IL18BP: variants seen among roughly 807,000 people sequenced by gnomAD.
IL18BP encodes interleukin 18 binding protein.
In IL18BP, 23 loss-of-function variants were observed where a neutral mutation model predicts 19.9. That is an observed-to-expected ratio of 1.15 (90% confidence interval 0.83 to 1.64). The LOEUF (loss-of-function observed/expected upper bound fraction) is 1.64, where lower values mean the gene tolerates loss of function less well. Ranked by LOEUF, IL18BP falls within the 40% of genes most tolerant of loss-of-function variation. IL18BP has a pLI of 0.00. For synonymous variants in IL18BP, 107 were observed against 101.0 expected (o/e 1.06, Z -0.35); for missense variants, 239 against 240.7 (o/e 0.99, Z 0.05).
At chr11:72,000,212 G>A (rs1955137395) in intron 2 of IL18BP, 139 bp from the exon 3 acceptor site, 2 of 881,418 alleles carry the variant, frequency 2.3e-6, no homozygotes, top group East Asian at 4.9e-5. Context: ...AAAGGGCTAA[G>A]GGGTGGGTGC....
Position 72,001,969 on chromosome 11 carries a change from A to G in IL18BP, c.*108A>G, listed in dbSNP as rs1955276548. The stretch of plus-strand genomic sequence containing the variant: ...TGCCTGTAGGCTGCGTGGATGCGCA[A>G]CACACCCCCTCCTTCTCTGCTTTGG... On this transcript the variant is annotated 3_prime_UTR_variant, in exon 6 of 6. Transcript: ENST00000393703. The G allele has an allele frequency of 2.6e-5, 38 of 1,482,406 alleles. No individual in the cohort carries two copies. The highest frequency in any genetic ancestry group is 3.0e-5 in the Non-Finnish European group (33 of 1,089,294). The allele number at this position is 1,482,406 out of a possible 1,614,324, so 91.8% of individuals were successfully genotyped here. A position where few individuals can be genotyped will look rare whatever the true frequency, so the allele number is the denominator to read the frequency against.
chr11:72,005,609 A>G, downstream of IL18BP: 2 of 538,842 alleles, frequency 3.7e-6, no homozygotes, highest in Non-Finnish European at 6.5e-6. Flanking sequence ...CTGCTACTAC[A>G]TCTTACTCAC....
intron 5 of IL18BP, 27 bp downstream of exon 5, chr11:72,001,579 G>A (rs1955242895): frequency 1.2e-6 from 2 of 1,604,318 alleles, no homozygotes; most frequent in Non-Finnish European, 8.5e-7. Flanking sequence ...GAGGCCTCCA[G>A]GAACAGGAGG....
At chr11:72,003,200 A>C, downstream of IL18BP, 1 of 416,884 alleles carries the variant, frequency 2.4e-6, no homozygotes, top group Non-Finnish European at 4.4e-6. Flanking sequence ...GGCTAAGAGG[A>C]AGACTGGCCA....
At chr11:72,007,184 C>A (rs754731703), downstream of IL18BP, 1 of 1,606,880 alleles carries the variant, frequency 6.2e-7, no homozygotes, top group Non-Finnish European at 8.5e-7. Context: ...TCCCAGCAGC[C>A]TGACCTTGGT....
downstream of IL18BP, chr11:72,003,714 G>A (rs1955434263): frequency 2.0e-6 from 2 of 978,360 alleles, no homozygotes; most frequent in Admixed American, 4.2e-5. Flanking sequence ...CCATGAGAAT[G>A]GGGCCATCTG....
At chr11:72,006,254 C>A, downstream of IL18BP, 1 of 1,613,918 alleles carries the variant, frequency 6.2e-7, no homozygotes, top group South Asian at 1.1e-5. Flanking sequence ...GGCTCTTCCA[C>A]ATCTAGCTTC....
chr11:72,001,362 C>A, intron 4 of IL18BP, 38 bp downstream of exon 4: 1 of 1,614,222 alleles, frequency 6.2e-7, no homozygotes, highest in Non-Finnish European at 8.5e-7. Context: ...GGAAGGAGGC[C>A]TTCTGCGGCC....
downstream of IL18BP, chr11:72,007,911 T>C: frequency 2.8e-6 from 1 of 355,474 alleles, no homozygotes; most frequent in Non-Finnish European, 5.5e-6. Flanking sequence ...CCTGGTCTGC[T>C]TCATCTCCTC....
In IL18BP at chr11:72,001,320, A is replaced by C. The variant is rs760536753; in HGVS notation, c.355A>C (p.Thr119Pro). 3.1e-6 allele frequency: 5 copies of C among 1,614,042 alleles called. No homozygotes were observed. The East Asian group carries it at 8.9e-5, about 29-fold the overall frequency. Residue 119 changes from threonine to proline, a missense_variant, in exon 4 of 6, where the codon ACC (threonine) becomes CCC (proline). By Grantham distance (38) the Thr-to-Pro change is conservative. Transcript: ENST00000393703. ...HLPGRLWEGSTSRERGSTGTQ... is the reference protein window; with the variant it reads ...HLPGRLWEGSPSRERGSTGTQ... ...CCCAGGCCGACTGTGGGAGGGGAGCACCAGGTGAGGGTCGCAGCAGCCAGG... is the reference window on the plus strand; with the variant it reads ...CCCAGGCCGACTGTGGGAGGGGAGCCCCAGGTGAGGGTCGCAGCAGCCAGG...
chr11:72,003,626 G>T (rs373124025), downstream of IL18BP: 112 of 1,533,286 alleles, frequency 7.3e-5, no homozygotes, highest in Middle Eastern at 1.7e-4. Context: ...CTGCTCCCAC[G>T]CCCCTGTCTG....
chr11:72,005,266 T>G, downstream of IL18BP: 2 of 1,605,304 alleles, frequency 1.2e-6, no homozygotes, highest in African/African-American at 1.3e-5. Context: ...TCTTCAGATG[T>G]GGGGGGCACA....
rs376598754 is a variant in IL18BP, at chr11:72,001,397, C to G, written c.360-8C>G. On this transcript the variant is annotated splice_region_variant and splice_polypyrimidine_tract_variant and intron_variant, in intron 4 of 5. Coordinates refer to ENST00000393703, the MANE Select transcript of IL18BP (RefSeq NM_001039660.2). ...CTTCTCATGACCTTTCCTTCCCTTC[C>G]GCTCCAGCCGGGAACGTGGGAGCAC... 3.1e-6 allele frequency: 5 copies of G among 1,614,066 alleles called. No homozygotes were observed. Among genetic ancestry groups the G allele is most frequent in the Non-Finnish European group, 4.2e-6 (5 of 1,179,928 alleles).
At chr11:72,007,998 G>A (rs1955861476), downstream of IL18BP, 2 of 420,274 alleles carry the variant, frequency 4.8e-6, no homozygotes. Context: ...GCTGCCCAGG[G>A]TCAAACCCCA....
chr11:72,002,133 A>G lies in IL18BP; in HGVS notation c.*272A>G. The G allele has an allele frequency of 1.8e-6, 1 of 551,122 alleles. No individual in the cohort carries two copies. Among genetic ancestry groups the G allele is most frequent in the Non-Finnish European group, 3.3e-6 (1 of 307,448 alleles). 34.1% of individuals were successfully genotyped at this position (551,122 alleles called of 1,614,324 possible). The stretch of plus-strand genomic sequence containing the variant: ...AACGTCCTACTCCTCACACTGCTCT[A>G]CTGCTCAGAAACCACCAAGACTGTT... On this transcript the variant is annotated 3_prime_UTR_variant, in exon 6 of 6. Transcript: ENST00000393703.
chr11:72,008,160 G>GTAAA, downstream of IL18BP: 1 of 476,898 alleles, frequency 2.1e-6, no homozygotes, highest in Non-Finnish European at 4.2e-6. Context: ...CACAAAATAA[G>GTAAA]TAAATGTAAG....
chr11:72,006,217 C>G (rs746384152), downstream of IL18BP: 1 of 1,614,172 alleles, frequency 6.2e-7, no homozygotes, highest in South Asian at 1.1e-5. Flanking sequence ...AGACCGCGTG[C>G]TGTAGAACGA....
chr11:72,003,300 G>T, downstream of IL18BP: 1 of 566,026 alleles, frequency 1.8e-6, no homozygotes. Flanking sequence ...GCAAGGTAGG[G>T]AGAGCGCCCA....
chr11:72,004,247 G>C, downstream of IL18BP: 1 of 1,611,734 alleles, frequency 6.2e-7, no homozygotes, highest in Non-Finnish European at 8.5e-7. Context: ...AGCTGGAGCT[G>C]CTTTCTTCTG....
Sources: gnomAD v4.1 joint callset for allele counts on GRCh38, gnomAD v4.1.1 for gene constraint, MANE v1.5 for transcripts, NCBI Gene and HGNC (gene_info 2026-07-23, HGNC 2026-07-21) for gene names.